Variants in TAB2 observed in about 807,000 individuals in gnomAD.
The protein encoded by TAB2 is TGF-beta-activated kinase 1 and MAP3K7-binding protein 2.
Under a neutral mutation model 65.0 loss-of-function variants are expected in TAB2, and 3 were observed. The observed-to-expected ratio is 0.05, with a 90% CI of 0.02 to 0.12. TAB2 has a LOEUF of 0.12. TAB2 is among the 10% of genes least tolerant of loss of function. The pLI, the probability that TAB2 is intolerant of heterozygous loss-of-function variation, is 1.00. For synonymous variants in TAB2, 298 were observed against 285.1 expected (o/e 1.05, Z -0.46); for missense variants, 623 against 840.3 (o/e 0.74, Z 3.20).
intron 1 of TAB2, among the ~76,000 whole-genome samples, chr6:149,330,454 A>G (rs1779748789): frequency 6.6e-6 from 1 of 152,188 alleles, no homozygotes; most frequent in African/African-American, 2.4e-5. Context: ...CCTCTCCAGC[A>G]TTAGTATTGT....
intron 1 of TAB2, among the ~76,000 whole-genome samples, chr6:149,299,294 G>A (rs908252466): frequency 2.0e-5 from 3 of 152,152 alleles, no homozygotes; most frequent in Admixed American, 6.5e-5. Flanking sequence ...ATCAGAGGCC[G>A]GGTGCAATGG....
chr6:149,377,230 C>T (rs1180352848), intron 2 of TAB2, among the ~76,000 whole-genome samples: 1 of 151,702 alleles, frequency 6.6e-6, no homozygotes, highest in Non-Finnish European at 1.5e-5. Context: ...GCCACCACGC[C>T]CGGCTAATTT....
intron 1 of TAB2, among the ~76,000 whole-genome samples, chr6:149,349,977 G>A (rs1780436673): frequency 6.6e-6 from 1 of 152,112 alleles, no homozygotes; most frequent in African/African-American, 2.4e-5. Context: ...TGTCGCCGAG[G>A]CAAGAGTGCA....
At chr6:149,388,171 T>C (rs1048849776) in intron 3 of TAB2, among the ~76,000 whole-genome samples, 2 of 152,210 alleles carry the variant, frequency 1.3e-5, no homozygotes, top group Non-Finnish European at 2.9e-5. Flanking sequence ...CCATATAGAT[T>C]AGCTGGTGGC....
chr6:149,304,181 C>A (rs1224012561), intron 1 of TAB2: 1 of 152,370 alleles, frequency 6.6e-6, no homozygotes, highest in African/African-American at 2.4e-5. Flanking sequence ...CACCCACCAA[C>A]TTTCTCCCAA....
At chr6:149,277,697 C>A (rs1329329982) in intron 1 of TAB2, among the ~76,000 whole-genome samples, 3 of 152,086 alleles carry the variant, frequency 2.0e-5, no homozygotes, top group Non-Finnish European at 4.4e-5. Flanking sequence ...TTAAACTCTA[C>A]CTTGTGAGAA....
intron 1 of TAB2, among the ~76,000 whole-genome samples, chr6:149,358,674 T>TGTGTGTGTGTGTGTGTG: frequency 7.5e-5 from 1 of 13,304 alleles, no homozygotes; most frequent in Admixed American, 1.0e-3. Context: ...GTGTGTGTGT[T>TGTGTGTGTGTGTGTGTG]TTCAGTATAT....
chr6:149,313,771 G>A (rs1410088737), upstream of TAB2, among the ~76,000 whole-genome samples: 2 of 152,164 alleles, frequency 1.3e-5, no homozygotes, highest in African/African-American at 4.8e-5. Context: ...GTAGACCAGG[G>A]ACTGATTCAG....
At chr6:149,381,719 C>T (rs188087095) in intron 3 of TAB2, among the ~76,000 whole-genome samples, 1 of 151,766 alleles carries the variant, frequency 6.6e-6, no homozygotes, top group South Asian at 2.1e-4. Context: ...ACTACAGGTA[C>T]ACACCACCAC....
At chr6:149,405,262 A>T (rs752972179) in intron 6 of TAB2, among the ~76,000 whole-genome samples, 4 of 152,226 alleles carry the variant, frequency 2.6e-5, no homozygotes, top group Admixed American at 2.0e-4. Context: ...AAGGTGAAAG[A>T]TTATATGCAT....
rs1275684366 is a variant in TAB2, at chr6:149,403,244, AAAAATATATAT to A, written c.1939+4062_1939+4072del. ...AGCGAAACTCTTGTCTAAAAAAAAA[AAAAATATATAT>A]ATATATATATATATATATATATATA... On this transcript the variant is annotated intron_variant, in intron 6 of 6. Coordinates refer to ENST00000637181, the MANE Select transcript of TAB2 (RefSeq NM_001292034.3). Among the ~76,000 whole-genome samples, 244 of 49,938 alleles carry A rather than the reference AAAAATATATAT, an allele frequency of 4.9e-3. 6 individuals are homozygous for A. Among genetic ancestry groups the A allele is most frequent in the African/African-American group, 0.019 (231 of 12,070 alleles). The allele number at this position is 49,938 out of a possible 152,430, so 32.8% of individuals were successfully genotyped here.
intron 1 of TAB2, among the ~76,000 whole-genome samples, chr6:149,221,783 A>C (rs1777154400): frequency 6.6e-6 from 1 of 152,182 alleles, no homozygotes; most frequent in South Asian, 2.1e-4. Context: ...GGAGGGGAGA[A>C]GTGAGTTTCT....
At chr6:149,257,877 C>T (rs181142591) in intron 1 of TAB2, among the ~76,000 whole-genome samples, 48 of 152,156 alleles carry the variant, frequency 3.2e-4, no homozygotes, top group African/African-American at 9.9e-4. Flanking sequence ...TCCATCCAAG[C>T]GGACAGATCA....
At chr6:149,331,578 A>G (rs1779786902) in intron 1 of TAB2, among the ~76,000 whole-genome samples, 1 of 152,112 alleles carries the variant, frequency 6.6e-6, no homozygotes, top group Admixed American at 6.6e-5. Flanking sequence ...CTGTTTCATA[A>G]TAGTGGTGGG....
intron 1 of TAB2, among the ~76,000 whole-genome samples, chr6:149,269,232 T>C (rs1290099057): frequency 6.6e-6 from 1 of 152,220 alleles, no homozygotes. Context: ...TTTGAGTAAA[T>C]TGTAAATAGC....
upstream of TAB2, among the ~76,000 whole-genome samples, chr6:149,316,688 G>A (rs1385936815): frequency 6.6e-6 from 1 of 152,004 alleles, no homozygotes; most frequent in Non-Finnish European, 1.5e-5. Flanking sequence ...GAAACTTGAA[G>A]GCCCCCCCTC....
intron 1 of TAB2, among the ~76,000 whole-genome samples, chr6:149,357,430 A>AACACACACACACACAC (rs1554261742): frequency 3.1e-4 from 34 of 111,000 alleles, no homozygotes; most frequent in African/African-American, 5.5e-4. Flanking sequence ...AGAAAAAAAA[A>AACACACACACACACAC]ACACACACAC....
At chr6:149,323,332 G>A (rs1192819877) in intron 1 of TAB2, among the ~76,000 whole-genome samples, 1 of 152,114 alleles carries the variant, frequency 6.6e-6, no homozygotes. Flanking sequence ...TTTCTATGAT[G>A]TTATTGGCAT....
At chr6:149,263,670 T>C (rs1370936631) in intron 1 of TAB2, among the ~76,000 whole-genome samples, 1 of 152,118 alleles carries the variant, frequency 6.6e-6, no homozygotes, top group African/African-American at 2.4e-5. Flanking sequence ...TGGTGAAAAA[T>C]AGTCCCTCCT....
Sources: gnomAD v4.1 joint callset for allele counts (sites outside exome capture counted in the v4.1 genomes callset) on GRCh38, gnomAD v4.1.1 for gene constraint, MANE v1.5 for transcripts, NCBI Gene and HGNC (gene_info 2026-07-23, HGNC 2026-07-21) for gene names.